Variants in CUX1 observed in about 807,000 individuals in gnomAD.
CUX1 encodes the protein protein CASP.
In CUX1, 31 loss-of-function variants were observed where a neutral mutation model predicts 158.8. The ratio of observed to expected loss-of-function variants is 0.20; its 90% CI spans 0.15 to 0.26. CUX1 has a LOEUF of 0.26. Among genes scored for constraint, CUX1 ranks in the 10% least tolerant of loss-of-function variants. CUX1 has a pLI of 1.00. For synonymous variants in CUX1, 879 were observed against 862.1 expected (o/e 1.02, Z -0.34); for missense variants, 1,589 against 2,014.6 (o/e 0.79, Z 4.04).
intron 20 of CUX1, among the ~76,000 whole-genome samples, chr7:102,224,352 ACCC>A (rs1798141530): frequency 6.6e-6 from 1 of 151,998 alleles, no homozygotes; most frequent in African/African-American, 2.4e-5. Context: ...GATTACAGGC[ACCC>A]GCCACCATGC....
In CUX1 at chr7:102,044,721, G is replaced by A. The variant is rs150694290; in HGVS notation, c.189+16576G>A. Among the ~76,000 whole-genome samples, 368 of 152,090 alleles carry A rather than the reference G, an allele frequency of 2.4e-3. 1 individual carries two copies. The highest frequency in any genetic ancestry group is 4.6e-3 in the South Asian group (22 of 4,820). ...TGAGTACTTATTGAGTGTGATGTGC[G>A]AGCATCTACTTTGGTTCCTAGACGC... On this transcript the variant is annotated intron_variant, in intron 3 of 23. Coordinates refer to ENST00000292535, the MANE Select transcript of CUX1 (RefSeq NM_181552.4).
intron 2 of CUX1, among the ~76,000 whole-genome samples, chr7:101,930,000 C>T (rs1330744569): frequency 1.3e-5 from 2 of 152,132 alleles, no homozygotes; most frequent in African/African-American, 4.8e-5. Flanking sequence ...AACCACCATG[C>T]CCGGCTAATT....
chr7:102,232,238 CGGGATGCTGA>C (rs1271481495), intron 21 of CUX1, among the ~76,000 whole-genome samples: 1 of 151,982 alleles, frequency 6.6e-6, no homozygotes, highest in Non-Finnish European at 1.5e-5. Flanking sequence ...CCCAGCTACT[CGGGATGCTGA>C]GGTAGAACAA....
At chr7:102,169,956 C>T (rs1791529793) in intron 9 of CUX1, among the ~76,000 whole-genome samples, 1 of 152,206 alleles carries the variant, frequency 6.6e-6, no homozygotes, top group Admixed American at 6.5e-5. Flanking sequence ...GTGGCATTTA[C>T]ATCCTGTACG....
chr7:102,104,022 AGAT>A (rs1554487520), intron 5 of CUX1, among the ~76,000 whole-genome samples: 1 of 152,180 alleles, frequency 6.6e-6, no homozygotes, highest in Admixed American at 6.5e-5. Flanking sequence ...CTCATCAATA[AGAT>A]GATATGATAT....
chr7:102,186,353 C>T (rs1485105845), intron 11 of CUX1, among the ~76,000 whole-genome samples: 16 of 152,048 alleles, frequency 1.1e-4, no homozygotes, highest in African/African-American at 2.9e-4. Context: ...AGACAGAAAA[C>T]GTCATAGAAG....
intron 2 of CUX1, among the ~76,000 whole-genome samples, chr7:101,973,132 G>A (rs543676834): frequency 5.3e-4 from 81 of 152,138 alleles, no homozygotes; most frequent in Non-Finnish European, 1.0e-3. Flanking sequence ...CCCAGGTACC[G>A]GTATCCATCA....
rs1554540306 is a variant in CUX1, at chr7:102,252,086, T to C, written c.*3044T>C. 1 of 985,318 alleles carries C rather than the reference T, an allele frequency of 1.0e-6. No homozygotes were observed. The highest frequency in any genetic ancestry group is 1.2e-6 in the Non-Finnish European group (1 of 829,904). The allele number at this position is 985,318 out of a possible 1,614,324, so 61.0% of individuals were successfully genotyped here. The stretch of plus-strand genomic sequence containing the variant: ...ATACAATCAGTTGGTTAAATTTTGC[T>C]TGCAGTTCTGTGTATTTTTTTTCCT... On this transcript the variant is annotated 3_prime_UTR_variant, in exon 24 of 24. Coordinates refer to ENST00000292535, the MANE Select transcript of CUX1 (RefSeq NM_181552.4).
intron 1 of CUX1, among the ~76,000 whole-genome samples, chr7:101,828,401 T>C (rs146558484): frequency 5.5e-4 from 83 of 152,182 alleles, no homozygotes; most frequent in African/African-American, 2.0e-3. Flanking sequence ...CACAAAAAGA[T>C]CCACATTTTT....
rs201662927 is a variant in CUX1, at chr7:102,248,369, C to T, written c.3888-43C>T. The stretch of plus-strand genomic sequence containing the variant: ...GGGGTAGCACCAGAGGCCCTTTCCC[C>T]AGCAGCACCCCCCTCACGTCCCCGC... On this transcript the variant is annotated intron_variant, in intron 23 of 23. Coordinates refer to ENST00000292535, the MANE Select transcript of CUX1 (RefSeq NM_181552.4). The surrounding 1 kb of genome is among the most constrained non-coding windows in gnomAD (Gnocchi z 5.8). The T allele has an allele frequency of 5.4e-5, 83 of 1,527,032 alleles. No homozygotes were observed. The highest frequency in any genetic ancestry group is 7.2e-5 in the Non-Finnish European group (82 of 1,138,120). The allele number at this position is 1,527,032 out of a possible 1,614,324, so 94.6% of individuals were successfully genotyped here.
At chr7:101,976,527 T>G (rs1304864633) in intron 2 of CUX1, among the ~76,000 whole-genome samples, 1 of 152,196 alleles carries the variant, frequency 6.6e-6, no homozygotes, top group Non-Finnish European at 1.5e-5. Context: ...CCAAAACTTG[T>G]AGAGGTGGCA....
At chr7:101,861,383 A>C (rs1047509811) in intron 1 of CUX1, among the ~76,000 whole-genome samples, 1 of 152,234 alleles carries the variant, frequency 6.6e-6, no homozygotes, top group East Asian at 1.9e-4. Context: ...TTTAGCAGTT[A>C]GCTGTTAAGA....
intron 4 of CUX1, among the ~76,000 whole-genome samples, chr7:102,079,118 C>A (rs1827086670): frequency 1.3e-5 from 2 of 152,122 alleles, no homozygotes; most frequent in Admixed American, 1.3e-4. Context: ...ACTCAAAGAT[C>A]CCACATTAAG....
At chr7:102,125,159 C>T (rs1028322507) in intron 8 of CUX1, among the ~76,000 whole-genome samples, 16 of 152,164 alleles carry the variant, frequency 1.1e-4, no homozygotes, top group East Asian at 3.9e-4. Flanking sequence ...AGGCTTAGCA[C>T]GTCGTGGCTC....
chr7:101,984,622 G>T (rs114982063), intron 2 of CUX1, among the ~76,000 whole-genome samples: 2,110 of 152,180 alleles, frequency 0.014, 52 homozygotes, highest in African/African-American at 0.048. Context: ...GTGCTTGGAT[G>T]ATGGCATCCC....
At chr7:102,018,427 G>T (rs1373441938) in intron 2 of CUX1, among the ~76,000 whole-genome samples, 1 of 152,208 alleles carries the variant, frequency 6.6e-6, no homozygotes, top group Non-Finnish European at 1.5e-5. Context: ...AGTCCTGCAG[G>T]AAATTCCTGT....
At chr7:101,833,644 G>T (rs1794307076) in intron 1 of CUX1, among the ~76,000 whole-genome samples, 1 of 151,672 alleles carries the variant, frequency 6.6e-6, no homozygotes, top group Non-Finnish European at 1.5e-5. Context: ...CTCGGGGCGT[G>T]GGAGAGCAGA....
At chr7:102,276,050 A>ATG (rs1791584799) in intron 17 of CUX1, among the ~76,000 whole-genome samples, 1 of 152,026 alleles carries the variant, frequency 6.6e-6, no homozygotes, top group Non-Finnish European at 1.5e-5. Flanking sequence ...AGGCTGTATA[A>ATG]TATTTTATTG....
At chr7:101,879,276 G>T (rs1030793025) in intron 1 of CUX1, among the ~76,000 whole-genome samples, 3 of 151,684 alleles carry the variant, frequency 2.0e-5, no homozygotes, top group African/African-American at 7.3e-5. Flanking sequence ...TTAACCCTTT[G>T]CCCCCTCCCC....
Sources: allele counts gnomAD v4.1 joint callset (sites outside exome capture counted in the v4.1 genomes callset), GRCh38; gene constraint gnomAD v4.1.1; non-coding constraint Gnocchi (gnomAD v3.1); transcripts MANE v1.5; gene names NCBI Gene and HGNC (gene_info 2026-07-23, HGNC 2026-07-21).